The following TMEM145 variants were observed in gnomAD, a reference collection of about 807,000 sequenced individuals.
TMEM145 encodes the protein transmembrane protein 145.
Under a neutral mutation model 68.5 loss-of-function variants are expected in TMEM145, and 46 were observed. The observed-to-expected ratio is 0.67, with a 90% CI of 0.53 to 0.86. TMEM145 has a LOEUF of 0.86. TMEM145 is among the 40% of genes least tolerant of loss of function. The pLI, the probability that TMEM145 is intolerant of heterozygous loss-of-function variation, is 0.00. For missense variants in TMEM145, 570 were observed against 645.8 expected, an observed-to-expected ratio of 0.88 and a Z score of 1.27; for synonymous variants, 255 against 280.2, an observed-to-expected ratio of 0.91 and a Z score of 0.90.
intron 8 of TMEM145, among the ~76,000 whole-genome samples, chr19:42,315,701 TG>T (rs1265562466): frequency 7.0e-6 from 1 of 143,068 alleles, no homozygotes; most frequent in East Asian, 2.1e-4. Flanking sequence ...GAGGAGGGGG[TG>T]GGACCTGACA....
chr19:42,320,790 G>A (rs1312955655), intron 13 of TMEM145, among the ~76,000 whole-genome samples: 1 of 152,022 alleles, frequency 6.6e-6, no homozygotes, highest in Non-Finnish European at 1.5e-5. Context: ...ACCACATGCA[G>A]CTAATTTTTT....
At position 42,315,450 on chromosome 19, in the gene TMEM145, C is replaced by G; in HGVS notation, c.646+10C>G. 2 of 1,614,014 alleles carry G rather than the reference C, an allele frequency of 1.2e-6. No homozygotes were observed. The highest frequency in any genetic ancestry group is 1.7e-5 in the Admixed American group (1 of 59,998). On this transcript the variant is annotated intron_variant, in intron 8 of 14. Coordinates refer to ENST00000301204, the MANE Select transcript of TMEM145 (RefSeq NM_173633.3). ...GCAGCAGGAGTAGAGGGTGAGGTTCCGTGTCCCAACTTTTGGGTTCTGAAA... is the reference window on the plus strand; with the variant it reads ...GCAGCAGGAGTAGAGGGTGAGGTTCGGTGTCCCAACTTTTGGGTTCTGAAA...
At chr19:42,318,707 A>T (rs780366244) in intron 12 of TMEM145, among the ~76,000 whole-genome samples, 1 of 149,838 alleles carries the variant, frequency 6.7e-6, no homozygotes, top group Non-Finnish European at 1.5e-5. Flanking sequence ...AAAAAACAGG[A>T]TCTCCTCAAA....
rs1248848012 is a variant in TMEM145 at position 42,316,749 on chromosome 19, G to C, written c.806+9G>C. On this transcript the variant is annotated intron_variant, in intron 10 of 14. Transcript: ENST00000301204. ...GGATTCACGGTGACACGGTGCCCGG[G>C]CAGGGCGTGCTCGTGGGGCGGCTGG... The C allele has an allele frequency of 6.2e-7, 1 of 1,613,190 alleles. No homozygotes were observed. Among genetic ancestry groups the C allele is most frequent in the Admixed American group, 1.7e-5 (1 of 60,004 alleles).
At chr19:42,324,303 C>A in intron 14 of TMEM145, 3 of 985,272 alleles carry the variant, frequency 3.0e-6, no homozygotes, top group Non-Finnish European at 3.6e-6. Context: ...GAGGAGACAG[C>A]GGTGGCGGCG....
At position 42,314,786 on chromosome 19, in the gene TMEM145, C is replaced by G; in HGVS notation, c.361-6C>G. The G allele has an allele frequency of 6.2e-7, 1 of 1,614,170 alleles. No individual in the cohort carries two copies. Among genetic ancestry groups the G allele is most frequent in the Non-Finnish European group, 8.5e-7 (1 of 1,180,022 alleles). On this transcript the variant is annotated splice_region_variant and splice_polypyrimidine_tract_variant and intron_variant, in intron 4 of 14. Transcript: ENST00000301204. ...GACAGGCTTCAGCCTTCTCGTTTGT[C>G]CCCAGGTGGTATCAGAGGAGGGAAC...
chr19:42,324,391 C>G (rs1267967361), intron 14 of TMEM145: 54 of 985,012 alleles, frequency 5.5e-5, no homozygotes, highest in Non-Finnish European at 6.5e-5. Context: ...CTCGGTTCCC[C>G]AAGGCGGCCG....
chr19:42,324,014 C>T (rs1036723722), intron 14 of TMEM145, among the ~76,000 whole-genome samples: 1 of 151,966 alleles, frequency 6.6e-6, no homozygotes, highest in African/African-American at 2.4e-5. Context: ...CGCAGACTCC[C>T]TGCGCCGTGC....
chr19:42,314,868 G>A lies in TMEM145; in HGVS notation c.420+17G>A, dbSNP rs2038839212. On this transcript the variant is annotated intron_variant, in intron 5 of 14. Coordinates refer to ENST00000301204, the MANE Select transcript of TMEM145 (RefSeq NM_173633.3). The stretch of plus-strand genomic sequence containing the variant: ...TTCCGCTCAGTGCGTGAACGGTGGT[G>A]GTATATTGCGCTCAGCAAGTGTGGG... 1 of 1,614,192 alleles carries A rather than the reference G, an allele frequency of 6.2e-7. No homozygotes were observed. The highest frequency in any genetic ancestry group is 8.5e-7 in the Non-Finnish European group (1 of 1,180,026).
chr19:42,319,572 G>A (rs1469588091), intron 12 of TMEM145, among the ~76,000 whole-genome samples: 1 of 150,026 alleles, frequency 6.7e-6, no homozygotes, highest in East Asian at 2.0e-4. Context: ...TCAGCCTCCC[G>A]AGTAGCTGGG....
intron 14 of TMEM145, chr19:42,324,480 A>T: frequency 2.0e-6 from 2 of 985,328 alleles, no homozygotes; most frequent in Non-Finnish European, 2.4e-6. Flanking sequence ...GGCTTCACCG[A>T]ATACTTCAGC....
At position 42,317,795 on chromosome 19, in the gene TMEM145, G is replaced by T. The variant is rs1031008720; in HGVS notation, c.987G>T (p.Trp329Cys). Residue 329 changes from tryptophan to cysteine, a missense_variant, in exon 12 of 15, where the codon TGG becomes TGT. Physicochemically the swap from Trp to Cys is radical, Grantham distance 215. Coordinates refer to ENST00000301204, the MANE Select transcript of TMEM145 (RefSeq NM_173633.3). ...GACTGCAGGTGGCGGCCTACGTGTG[G>T]TTCTGCTATGCTGTGCTTGTCTCAC... ...LIGLQVAAYV[W>C]FCYAVLVSLR... 1.9e-5 allele frequency: 31 copies of T among 1,614,084 alleles called. No individual in the cohort carries two copies. Among genetic ancestry groups the T allele is most frequent in the Non-Finnish European group, 2.5e-5 (30 of 1,180,042 alleles).
chr19:42,314,599 C>G lies in TMEM145; in HGVS notation c.274-14C>G, dbSNP rs199684086. The G allele has an allele frequency of 6.2e-7, 1 of 1,614,132 alleles. No individual in the cohort carries two copies. Among genetic ancestry groups the G allele is most frequent in the African/African-American group, 1.3e-5 (1 of 75,024 alleles). On this transcript the variant is annotated splice_polypyrimidine_tract_variant and intron_variant, in intron 3 of 14. Coordinates refer to ENST00000301204, the MANE Select transcript of TMEM145 (RefSeq NM_173633.3). ...TGCTGGCCGGGGGAGTGACCCTGTC[C>G]CTGCCTTCCCCAGGACTGCCTGGCC...
chr19:42,314,261 C>T lies in TMEM145; in HGVS notation c.121-11C>T, dbSNP rs957604359. 16 of 1,613,758 alleles carry T rather than the reference C, an allele frequency of 9.9e-6. No homozygotes were observed. Among genetic ancestry groups the T allele is most frequent in the Admixed American group, 6.7e-5 (4 of 59,962 alleles). ...GACTCAGCGGAGGGTCAGACTGGGCCCCTTTTTCAGGACTGGGTGTTCCTG... is the reference window on the plus strand; with the variant it reads ...GACTCAGCGGAGGGTCAGACTGGGCTCCTTTTTCAGGACTGGGTGTTCCTG... On this transcript the variant is annotated splice_polypyrimidine_tract_variant and intron_variant, in intron 1 of 14. Transcript: ENST00000301204.
rs997731041 is a variant in TMEM145, at chr19:42,324,371, C to G, written c.1402-366C>G. ...GGCCGAGCCGGGCGCAGCCTCCCCCCCACTTCCCGCTCGGTTCCCCAAGGC... is the reference window on the plus strand; with the variant it reads ...GGCCGAGCCGGGCGCAGCCTCCCCCGCACTTCCCGCTCGGTTCCCCAAGGC... On this transcript the variant is annotated intron_variant, in intron 14 of 14. Coordinates refer to ENST00000301204, the MANE Select transcript of TMEM145 (RefSeq NM_173633.3). 31 of 985,152 alleles carry G rather than the reference C, an allele frequency of 3.1e-5. No individual in the cohort carries two copies. The Admixed American group carries it at 1.2e-3, about 37-fold the overall frequency. The allele number at this position is 985,152 out of a possible 1,614,324, so 61.0% of individuals were successfully genotyped here. A position where few individuals can be genotyped will look rare whatever the true frequency, so the allele number is the denominator to read the frequency against.
intron 13 of TMEM145, among the ~76,000 whole-genome samples, chr19:42,323,064 T>C (rs1713829935): frequency 6.6e-6 from 1 of 152,202 alleles, no homozygotes; most frequent in Non-Finnish European, 1.5e-5. Context: ...AGGGACTCAG[T>C]AGGGAACAGA....
chr19:42,317,040 G>A lies in TMEM145; in HGVS notation c.900+77G>A, dbSNP rs531512200. On this transcript the variant is annotated intron_variant, in intron 11 of 14. Transcript: ENST00000301204. ...CGCCTCCCCCTTGACCTGTCTGCTC[G>A]CCCTTGCCCACATCCTGCTCCTGCT... is the stretch of plus-strand genomic sequence containing the variant. The A allele has an allele frequency of 4.6e-4, 585 of 1,282,418 alleles. 1 individual carries two copies. Among genetic ancestry groups the A allele is most frequent in the Middle Eastern group, 7.1e-4 (3 of 4,220 alleles). The allele number at this position is 1,282,418 out of a possible 1,614,324, so 79.4% of individuals were successfully genotyped here.
At chr19:42,317,095 T>C in intron 11 of TMEM145, 132 bp downstream of exon 11, 4 of 747,450 alleles carry the variant, frequency 5.4e-6, no homozygotes, top group Non-Finnish European at 9.1e-6. Context: ...TCTTCGATTT[T>C]CTGCTTTCCC....
chr19:42,324,540 C>A (rs1469476397), intron 14 of TMEM145, 197 bp from the exon 15 acceptor site: 1 of 985,242 alleles, frequency 1.0e-6, no homozygotes, highest in Non-Finnish European at 1.2e-6. Context: ...CCCCTGCCCG[C>A]CCCTGCCCCA....
Sources: allele counts gnomAD v4.1 joint callset (sites outside exome capture counted in the v4.1 genomes callset), GRCh38; gene constraint gnomAD v4.1.1; transcripts MANE v1.5; gene names NCBI Gene and HGNC (gene_info 2026-07-23, HGNC 2026-07-21).